Variants in SYT17 observed in about 807,000 individuals in gnomAD.
SYT17 encodes synaptotagmin 17.
In SYT17, 22 loss-of-function variants were observed where a neutral mutation model predicts 46.7. That is an observed-to-expected ratio of 0.47 (90% CI 0.34 to 0.67). SYT17 has a LOEUF of 0.67. SYT17 is among the 30% of genes least tolerant of loss of function. SYT17 has a pLI of 0.01. For missense variants in SYT17, 519 were observed against 612.8 expected (o/e 0.85, Z 1.62); for synonymous variants, 251 against 248.4 (o/e 1.01, Z -0.10).
chr16:19,194,167 G>A (rs1215409134), intron 5 of SYT17, among the ~76,000 whole-genome samples: 1 of 152,174 alleles, frequency 6.6e-6, no homozygotes, highest in African/African-American at 2.4e-5. Flanking sequence ...AGAAAAAGAT[G>A]CCAGTCCCCC....
chr16:19,237,492 T>A, intron 7 of SYT17, among the ~76,000 whole-genome samples: 1 of 152,212 alleles, frequency 6.6e-6, no homozygotes. Flanking sequence ...TGGCAACACC[T>A]GGAAGTTACC....
intron 5 of SYT17, among the ~76,000 whole-genome samples, chr16:19,221,800 G>C (rs757268326): frequency 2.0e-5 from 3 of 152,152 alleles, no homozygotes; most frequent in African/African-American, 4.8e-5. Flanking sequence ...ACAGATAATA[G>C]ATGGTTAGAT....
chr16:19,223,847 C>T (rs2142872301), intron 6 of SYT17, among the ~76,000 whole-genome samples: 1 of 152,252 alleles, frequency 6.6e-6, no homozygotes, highest in East Asian at 1.9e-4. Context: ...CCAGTGGAGG[C>T]AATGGTATTA....
intron 3 of SYT17, 135 bp downstream of exon 3, chr16:19,173,713 G>T: frequency 1.0e-6 from 1 of 1,000,998 alleles, no homozygotes. Flanking sequence ...GAGTTTCCAG[G>T]GACAACTTTG....
rs529130478 is a variant in SYT17, at chr16:19,266,988, C to G, written c.1337C>G (p.Thr446Arg). Residue 446 changes from threonine (T) to arginine (R), a missense_variant, in exon 8 of 8, where the codon ACG becomes AGG. Physicochemically the swap from Thr to Arg is moderately conservative, Grantham distance 71. Coordinates refer to ENST00000355377, the MANE Select transcript of SYT17 (RefSeq NM_016524.4). The part of the protein sequence containing the change: ...ETNHWRRMLN[T>R]HRTAVEQWHS... ...AACCACTGGAGGCGCATGCTCAACA[C>G]GCACCGCACAGCCGTGGAGCAGTGG... is the stretch of plus-strand genomic sequence containing the variant. 6.2e-7 allele frequency: 1 copy of G among 1,613,736 alleles called. No individual in the cohort carries two copies. The highest frequency in any genetic ancestry group is 1.3e-5 in the African/African-American group (1 of 74,936).
At position 19,224,289 on chromosome 16, in the gene SYT17, C is replaced by A. The variant is rs145318039; in HGVS notation, c.1073-394C>A. ...TCAGTTTTCTTATCTGTAAAATGAA[C>A]ACAATGCTGACATATGGGAGGAGCT... On this transcript the variant is annotated intron_variant, in intron 6 of 7. Transcript: ENST00000355377. Among the ~76,000 whole-genome samples, 971 of 152,146 alleles carry A rather than the reference C, an allele frequency of 6.4e-3. 8 individuals carry two copies. Among genetic ancestry groups the A allele is most frequent in the African/African-American group, 0.022 (900 of 41,500 alleles).
chr16:19,217,115 A>G lies in SYT17; in HGVS notation c.952-5930A>G, dbSNP rs983520501. 5.3e-5 allele frequency among the ~76,000 whole-genome samples: 8 copies of G among 152,106 alleles called. 1 individual carries two copies. The highest frequency in any genetic ancestry group is 3.3e-4 in the Admixed American group (5 of 15,282). The stretch of plus-strand genomic sequence containing the variant: ...ATATCTCATTGTGGTTTTGATTTGC[A>G]TTTCTCTAATAACCAGTGATGATGA... On this transcript the variant is annotated intron_variant, in intron 5 of 7. Transcript: ENST00000355377.
intron 7 of SYT17, among the ~76,000 whole-genome samples, chr16:19,228,059 G>C (rs1368864181): frequency 1.3e-5 from 2 of 151,976 alleles, no homozygotes; most frequent in Non-Finnish European, 2.9e-5. Context: ...CTGGGGGTGG[G>C]GGGGTATGAC....
At chr16:19,193,179 C>CG (rs1422551370) in intron 5 of SYT17, among the ~76,000 whole-genome samples, 1 of 152,166 alleles carries the variant, frequency 6.6e-6, no homozygotes, top group African/African-American at 2.4e-5. Context: ...CTTCAGTGGC[C>CG]GGTGTGCAGG....
chr16:19,240,490 T>C (rs994941266), intron 7 of SYT17, among the ~76,000 whole-genome samples: 1 of 152,152 alleles, frequency 6.6e-6, no homozygotes, highest in Non-Finnish European at 1.5e-5. Flanking sequence ...CGTCTCTCTG[T>C]TCTCTACCCT....
rs185590443 is a variant in SYT17, at chr16:19,266,194, G to C, written c.1229-686G>C. 1.7e-3 allele frequency among the ~76,000 whole-genome samples: 261 copies of C among 152,346 alleles called. 1 individual carries two copies. Among genetic ancestry groups the C allele is most frequent in the Non-Finnish European group, 1.0e-3 (69 of 68,028 alleles). On this transcript the variant is annotated intron_variant, in intron 7 of 7. Transcript: ENST00000355377. Reference sequence around the variant, plus strand: ...AGACACAGAGCTTGGTCAAATGATAGAGCCAGGATTCACTCCCAGGATATT... The same window carrying C: ...AGACACAGAGCTTGGTCAAATGATACAGCCAGGATTCACTCCCAGGATATT...
At chr16:19,180,265 C>A in intron 3 of SYT17, 126 bp from the exon 4 acceptor site, 1 of 988,006 alleles carries the variant, frequency 1.0e-6, no homozygotes, top group Non-Finnish European at 1.5e-6. Context: ...GTCAAATTTG[C>A]ATTATTCCAT....
chr16:19,198,949 T>C (rs1212574691), intron 5 of SYT17, among the ~76,000 whole-genome samples: 1 of 152,182 alleles, frequency 6.6e-6, no homozygotes, highest in Non-Finnish European at 1.5e-5. Context: ...TCATCTGGGA[T>C]TGAGAAGATG....
In SYT17 at chr16:19,267,116, A is replaced by AAAAT. The variant is rs1456693092; in HGVS notation, c.*43_*44insTAAA. On this transcript the variant is annotated 3_prime_UTR_variant, in exon 8 of 8. Transcript: ENST00000355377. Reference sequence around the variant, plus strand: ...GCAGCTTTCATTTGTTTAAAAAAAAAAAAAAAAGACGGAAAAAAATGTGTC... The same window carrying AAAAT: ...GCAGCTTTCATTTGTTTAAAAAAAAAAAATAAAAAAAGACGGAAAAAAATGTGTC... 6.7e-6 allele frequency: 10 copies of AAAAT among 1,501,478 alleles called. No individual in the cohort carries two copies. The South Asian group carries it at 1.3e-4, about 19-fold the overall frequency. 93.0% of individuals were successfully genotyped at this position (1,501,478 alleles called of 1,614,324 possible).
At chr16:19,169,063 T>C (rs965474669) in intron 1 of SYT17, among the ~76,000 whole-genome samples, 3 of 151,714 alleles carry the variant, frequency 2.0e-5, no homozygotes, top group Admixed American at 6.5e-5. Context: ...CGGCTCCGGC[T>C]AATTGGCCGG....
chr16:19,172,593 A>G (rs1340373076), intron 1 of SYT17, 167 bp from the exon 2 acceptor site: 5 of 1,528,262 alleles, frequency 3.3e-6, no homozygotes, highest in Non-Finnish European at 2.6e-6. Context: ...GATGTTAGGA[A>G]GTCAGCTCCC....
intron 7 of SYT17, among the ~76,000 whole-genome samples, chr16:19,264,766 T>C (rs1338761123): frequency 1.3e-5 from 2 of 152,084 alleles, no homozygotes; most frequent in Non-Finnish European, 2.9e-5. Context: ...TGATTTTTTG[T>C]ATTTTTTAGT....
In SYT17 at chr16:19,215,859, G is replaced by A. The variant is rs1302369951; in HGVS notation, c.952-7186G>A. The stretch of plus-strand genomic sequence containing the variant: ...AATTCCACGTGGCTGGGGAAGCCTT[G>A]CAATCATGGCAGAAGGCAAGGAGAG... On this transcript the variant is annotated intron_variant, in intron 5 of 7. Transcript: ENST00000355377. Among the ~76,000 whole-genome samples the A allele has an allele frequency of 3.9e-5, 6 of 152,198 alleles. No individual in the cohort carries two copies. The South Asian group carries it at 1.2e-3, about 31-fold the overall frequency.
chr16:19,206,091 A>G (rs1045562045), intron 5 of SYT17, among the ~76,000 whole-genome samples: 1 of 152,226 alleles, frequency 6.6e-6, no homozygotes, highest in African/African-American at 2.4e-5. Context: ...AGTCAGTGTG[A>G]TAGTAGAAAT....
Sources: allele counts gnomAD v4.1 joint callset (sites outside exome capture counted in the v4.1 genomes callset), GRCh38; gene constraint gnomAD v4.1.1; transcripts MANE v1.5; gene names NCBI Gene and HGNC (gene_info 2026-07-23, HGNC 2026-07-21).